Variants in EFNA5 observed in about 807,000 individuals in gnomAD.
EFNA5 encodes the protein ephrin-A5.
EFNA5 carries 5 observed loss-of-function variants against 22.9 expected under a neutral mutation model. The observed-to-expected ratio is 0.22, with a 90% CI of 0.11 to 0.46. The LOEUF is 0.46. Ranked by LOEUF, EFNA5 falls within the 20% of genes least tolerant of loss-of-function variation. EFNA5 has a pLI of 0.99. For synonymous variants in EFNA5, 113 were observed against 112.2 expected, an observed-to-expected ratio of 1.01 and a Z score of -0.04; for missense variants, 237 against 293.3, an observed-to-expected ratio of 0.81 and a Z score of 1.40.
chr5:107,657,442 G>A (rs760065545), intron 1 of EFNA5, among the ~76,000 whole-genome samples: 1 of 151,984 alleles, frequency 6.6e-6, no homozygotes, highest in Non-Finnish European at 1.5e-5. Flanking sequence ...GAGAACCCTC[G>A]TTTACACCAC....
intron 1 of EFNA5, among the ~76,000 whole-genome samples, chr5:107,444,798 G>C (rs755445954): frequency 6.6e-6 from 1 of 152,072 alleles, no homozygotes; most frequent in Non-Finnish European, 1.5e-5. Flanking sequence ...ACAGCCCTAG[G>C]AGAATAATTT....
chr5:107,479,159 T>C (rs1359710682), intron 1 of EFNA5, among the ~76,000 whole-genome samples: 1 of 152,236 alleles, frequency 6.6e-6, no homozygotes, highest in African/African-American at 2.4e-5. Flanking sequence ...TAAGCAGCAC[T>C]GTTCATTTCT....
Position 107,670,805 on chromosome 5 carries a change from A to G in EFNA5, c.-192T>C. The G allele has an allele frequency of 2.8e-6, 2 of 705,542 alleles. No homozygotes were observed. Among genetic ancestry groups the G allele is most frequent in the East Asian group, 5.6e-5 (2 of 35,640 alleles). 43.7% of individuals were successfully genotyped at this position (705,542 alleles called of 1,614,324 possible). A position where few individuals can be genotyped will look rare whatever the true frequency, so the allele number is the denominator to read the frequency against. On this transcript the variant is annotated 5_prime_UTR_variant, in exon 1 of 5. Coordinates refer to ENST00000333274, the MANE Select transcript of EFNA5 (RefSeq NM_001962.3). ...GGAGGGGTAGGAGAGCGAGAAGAAA[A>G]GAAGGCGGTGGGATGGGGGGTGATA...
At chr5:107,434,324 AC>A (rs1247719891) in intron 1 of EFNA5, among the ~76,000 whole-genome samples, 4 of 151,870 alleles carry the variant, frequency 2.6e-5, no homozygotes, top group Admixed American at 6.6e-5. Context: ...TTCCTCCTGG[AC>A]CCCACACTCC....
chr5:107,589,857 T>C (rs536414349), intron 1 of EFNA5, among the ~76,000 whole-genome samples: 12 of 152,350 alleles, frequency 7.9e-5, no homozygotes, highest in Admixed American at 4.6e-4. Context: ...CTAAGAAAAC[T>C]TAAATGACTT....
At chr5:107,538,692 T>A (rs1040320732) in intron 1 of EFNA5, among the ~76,000 whole-genome samples, 1 of 152,222 alleles carries the variant, frequency 6.6e-6, no homozygotes, top group African/African-American at 2.4e-5. Flanking sequence ...GATACAAATT[T>A]CACCAGGAAT....
chr5:107,553,284 C>G (rs1381558857), intron 1 of EFNA5, among the ~76,000 whole-genome samples: 1 of 152,192 alleles, frequency 6.6e-6, no homozygotes, highest in Non-Finnish European at 1.5e-5. Context: ...CCCCAGTGAC[C>G]CTGCCATGGC....
intron 1 of EFNA5, among the ~76,000 whole-genome samples, chr5:107,479,337 T>C (rs1322406605): frequency 1.3e-5 from 2 of 152,210 alleles, no homozygotes; most frequent in African/African-American, 2.4e-5. Context: ...CTTTTACATA[T>C]GGTGCTAATT....
intron 1 of EFNA5, among the ~76,000 whole-genome samples, chr5:107,622,609 A>T (rs1181939845): frequency 6.6e-6 from 1 of 152,142 alleles, no homozygotes; most frequent in Non-Finnish European, 1.5e-5. Flanking sequence ...AAATCGGTTT[A>T]CCTACGTTCT....
intron 4 of EFNA5, among the ~76,000 whole-genome samples, chr5:107,384,700 C>T (rs1013271234): frequency 6.6e-6 from 1 of 151,312 alleles, no homozygotes; most frequent in African/African-American, 2.4e-5. Flanking sequence ...TAGCCTCGAA[C>T]TCCTGGGCTT....
chr5:107,446,764 A>AC (rs1749411671), intron 1 of EFNA5, among the ~76,000 whole-genome samples: 1 of 151,670 alleles, frequency 6.6e-6, no homozygotes, highest in Admixed American at 6.6e-5. Flanking sequence ...AAAACTTAAA[A>AC]AAATAAAAAT....
At chr5:107,590,264 C>G (rs886380173) in intron 1 of EFNA5, among the ~76,000 whole-genome samples, 4 of 152,186 alleles carry the variant, frequency 2.6e-5, no homozygotes, top group African/African-American at 7.2e-5. Context: ...ATATTCTAAA[C>G]TCTACCTTCC....
intron 1 of EFNA5, among the ~76,000 whole-genome samples, chr5:107,667,671 T>C (rs930391627): frequency 6.6e-6 from 1 of 152,186 alleles, no homozygotes; most frequent in Non-Finnish European, 1.5e-5. Context: ...CATATTATAT[T>C]CTGAGGGAAA....
chr5:107,500,277 T>C (rs1237399968), intron 1 of EFNA5, among the ~76,000 whole-genome samples: 1 of 152,228 alleles, frequency 6.6e-6, no homozygotes. Context: ...CTATTAACTG[T>C]GGTCTGTAGG....
chr5:107,513,905 G>C (rs940578940), intron 1 of EFNA5, among the ~76,000 whole-genome samples: 6 of 152,196 alleles, frequency 3.9e-5, no homozygotes, highest in Non-Finnish European at 7.3e-5. Flanking sequence ...AGTAAGAGAG[G>C]AGGATGTTGC....
At chr5:107,656,605 G>A (rs927094729) in intron 1 of EFNA5, among the ~76,000 whole-genome samples, 3 of 152,042 alleles carry the variant, frequency 2.0e-5, no homozygotes, top group African/African-American at 4.8e-5. Flanking sequence ...TCAAAGTGAG[G>A]TAACTCCCCT....
intron 1 of EFNA5, among the ~76,000 whole-genome samples, chr5:107,585,992 A>C (rs1015095338): frequency 8.5e-5 from 13 of 152,210 alleles, no homozygotes; most frequent in African/African-American, 3.1e-4. Flanking sequence ...CAGATCACTC[A>C]AAGAGAAAAA....
At chr5:107,415,303 C>T (rs1748474588) in intron 2 of EFNA5, among the ~76,000 whole-genome samples, 1 of 152,088 alleles carries the variant, frequency 6.6e-6, no homozygotes, top group African/African-American at 2.4e-5. Context: ...AGCCTCAAAT[C>T]AGTTTACTCT....
At chr5:107,496,416 C>T (rs1253313115) in intron 1 of EFNA5, among the ~76,000 whole-genome samples, 4 of 151,494 alleles carry the variant, frequency 2.6e-5, no homozygotes, top group South Asian at 2.1e-4. Flanking sequence ...CAGAGAGTCT[C>T]GTTCATCCCA....
Sources: gnomAD v4.1 joint callset for allele counts (sites outside exome capture counted in the v4.1 genomes callset) on GRCh38, gnomAD v4.1.1 for gene constraint, MANE v1.5 for transcripts, NCBI Gene and HGNC (gene_info 2026-07-23, HGNC 2026-07-21) for gene names.